Variants in SMARCA4 observed in about 807,000 individuals in gnomAD.
SMARCA4 encodes SWI/SNF related BAF chromatin remodeling complex subunit ATPase 4.
A neutral mutation model predicts 193.9 loss-of-function variants in SMARCA4; 31 were observed. The observed-to-expected ratio is 0.16, with a 90% CI of 0.12 to 0.22. The LOEUF (loss-of-function observed/expected upper bound fraction) is 0.22. Ranked by LOEUF, SMARCA4 falls within the 10% of genes least tolerant of loss-of-function variation. The pLI is 1.00. For missense variants in SMARCA4, 1,148 were observed against 2,296.0 expected, an observed-to-expected ratio of 0.50 and a Z score of 10.22; for synonymous variants, 942 against 933.1, an observed-to-expected ratio of 1.01 and a Z score of -0.17.
At chr19:11,011,227 C>G (rs1335825382) in intron 15 of SMARCA4, 1 of 153,124 alleles carries the variant, frequency 6.5e-6, no homozygotes, top group Non-Finnish European at 1.4e-5. Context: ...TGTTTCTTTT[C>G]TTTTCTTTTT....
intron 1 of SMARCA4, 76 bp downstream of exon 1, chr19:10,961,250 G>T (rs1030172265): frequency 1.3e-5 from 2 of 149,538 alleles, no homozygotes; most frequent in African/African-American, 2.4e-5. Context: ...GGGCGCCGAG[G>T]GGGGAGGGGG....
At chr19:11,049,158 G>A (rs778569272) in intron 30 of SMARCA4, among the ~76,000 whole-genome samples, 1 of 152,302 alleles carries the variant, frequency 6.6e-6, no homozygotes, top group East Asian at 1.9e-4. Flanking sequence ...AGAGGGACAA[G>A]TGTCCCAGGC....
chr19:11,026,285 C>T lies in SMARCA4; in HGVS notation c.3169-15C>T, dbSNP rs2146514737. 1.2e-6 allele frequency: 2 copies of T among 1,612,904 alleles called. No homozygotes were observed. The highest frequency in any genetic ancestry group is 1.7e-6 in the Non-Finnish European group (2 of 1,179,066). The stretch of plus-strand genomic sequence containing the variant: ...GCTCCTGCCTGTCACTGACCCCTCT[C>T]TCCTTGCCTTGCAGGAGTCCTTTTC... On this transcript the variant is annotated splice_polypyrimidine_tract_variant and intron_variant, in intron 22 of 34. Coordinates refer to ENST00000344626, the MANE Select transcript of SMARCA4 (RefSeq NM_003072.5).
chr19:11,039,809 G>A (rs1398224431), intron 29 of SMARCA4: 10 of 274,368 alleles, frequency 3.6e-5, no homozygotes, highest in African/African-American at 6.6e-5. Flanking sequence ...TCGGCTGGGC[G>A]CGGTGGCTCA....
chr19:11,005,388 T>G (rs1442752846), intron 13 of SMARCA4, among the ~76,000 whole-genome samples: 1 of 152,230 alleles, frequency 6.6e-6, no homozygotes, highest in East Asian at 1.9e-4. Flanking sequence ...CAGGCAGTGT[T>G]TCTTTGTCAC....
At chr19:11,001,089 CTG>C (rs1434388700) in intron 11 of SMARCA4, among the ~76,000 whole-genome samples, 3 of 152,126 alleles carry the variant, frequency 2.0e-5, no homozygotes, top group African/African-American at 7.2e-5. Context: ...CAGGGTCTCT[CTG>C]TTGTCCAGGC....
At chr19:11,053,591 C>T (rs1002062564) in intron 30 of SMARCA4, among the ~76,000 whole-genome samples, 2 of 152,098 alleles carry the variant, frequency 1.3e-5, no homozygotes, top group African/African-American at 4.8e-5. Flanking sequence ...GCAGTTGCAA[C>T]AGAGGCAGGC....
intron 1 of SMARCA4, among the ~76,000 whole-genome samples, chr19:10,969,513 C>G (rs1171571602): frequency 6.6e-6 from 1 of 152,020 alleles, no homozygotes; most frequent in Non-Finnish European, 1.5e-5. Context: ...TCACTGAAAC[C>G]TCCGCCTCCT....
intron 6 of SMARCA4, 85 bp from the exon 7 acceptor site, chr19:10,989,232 G>A (rs1483976154): frequency 1.0e-5 from 16 of 1,556,816 alleles, no homozygotes; most frequent in Non-Finnish European, 1.4e-5. Context: ...TGCCTCTCTC[G>A]AGGGATGGGT....
At chr19:11,052,630 G>T (rs1236111652) in intron 30 of SMARCA4, among the ~76,000 whole-genome samples, 1 of 152,164 alleles carries the variant, frequency 6.6e-6, no homozygotes, top group Non-Finnish European at 1.5e-5. Context: ...AGGACTTGAG[G>T]CATTTTCTGA....
intron 1 of SMARCA4, among the ~76,000 whole-genome samples, chr19:10,976,790 C>G (rs2085166387): frequency 6.7e-6 from 1 of 149,562 alleles, no homozygotes; most frequent in Admixed American, 6.7e-5. Flanking sequence ...CGTGGTGCCT[C>G]TCATCTGTAA....
chr19:11,005,939 T>C (rs2088158544), intron 13 of SMARCA4, among the ~76,000 whole-genome samples: 1 of 152,228 alleles, frequency 6.6e-6, no homozygotes, highest in African/African-American at 2.4e-5. Context: ...ACCTCCTCAT[T>C]TGGGTTTAGC....
chr19:10,982,146 C>T (rs2085604103), intron 1 of SMARCA4, among the ~76,000 whole-genome samples: 1 of 151,980 alleles, frequency 6.6e-6, no homozygotes, highest in Non-Finnish European at 1.5e-5. Flanking sequence ...TCGAGACCAG[C>T]CTGGCCAATG....
intron 30 of SMARCA4, among the ~76,000 whole-genome samples, chr19:11,057,280 T>C (rs2076598882): frequency 6.6e-6 from 1 of 152,170 alleles, no homozygotes; most frequent in African/African-American, 2.4e-5. Context: ...ACCCACCCTG[T>C]CCTGCTGAGC....
intron 16 of SMARCA4, among the ~76,000 whole-genome samples, chr19:11,015,470 T>C (rs761215370): frequency 1.3e-5 from 2 of 152,188 alleles, no homozygotes; most frequent in Admixed American, 1.3e-4. Flanking sequence ...CACCACGCCC[T>C]GCTTGATGTG....
At chr19:11,007,858 C>G (rs1409718818) in intron 13 of SMARCA4, 44 bp from the exon 14 acceptor site, 16 of 1,609,094 alleles carry the variant, frequency 9.9e-6, no homozygotes, top group Middle Eastern at 3.3e-4. Flanking sequence ...CGTCCCCCCT[C>G]TCTGGGGGAT....
intron 11 of SMARCA4, among the ~76,000 whole-genome samples, chr19:11,002,799 C>CAAAAAAA (rs747143883): frequency 6.0e-5 from 5 of 83,698 alleles, no homozygotes; most frequent in Admixed American, 1.4e-4. Context: ...GACTCCGTCT[C>CAAAAAAA]AAAAAAAAAA....
At chr19:11,002,736 T>C (rs1039757023) in intron 11 of SMARCA4, among the ~76,000 whole-genome samples, 1 of 137,102 alleles carries the variant, frequency 7.3e-6, no homozygotes, top group African/African-American at 2.8e-5. Context: ...GAGGTTGTAG[T>C]GAGCCGAGAG....
chr19:10,975,278 A>C (rs2085039106), intron 1 of SMARCA4, among the ~76,000 whole-genome samples: 1 of 147,740 alleles, frequency 6.8e-6, no homozygotes, highest in South Asian at 2.1e-4. Context: ...TGGCCTCCAA[A>C]GTGCTGGGAT....
Sources: gnomAD v4.1 joint callset for allele counts (sites outside exome capture counted in the v4.1 genomes callset) on GRCh38, gnomAD v4.1.1 for gene constraint, MANE v1.5 for transcripts, NCBI Gene and HGNC (gene_info 2026-07-23, HGNC 2026-07-21) for gene names.